The following PIP5K1B variants were observed in gnomAD, a reference collection of about 807,000 sequenced individuals.
PIP5K1B encodes the protein phosphatidylinositol 4-phosphate 5-kinase type-1 beta.
In PIP5K1B, 42 loss-of-function variants were observed where a neutral mutation model predicts 67.0. That is an observed-to-expected ratio of 0.63 (90% CI 0.49 to 0.81). PIP5K1B has a LOEUF of 0.81. Ranked by LOEUF, PIP5K1B falls within the 30% of genes least tolerant of loss-of-function variation. The pLI, the probability that PIP5K1B is intolerant of heterozygous loss-of-function variation, is 0.00. For synonymous variants in PIP5K1B, 214 were observed against 231.4 expected, an observed-to-expected ratio of 0.92 and a Z score of 0.68; for missense variants, 459 against 646.3, an observed-to-expected ratio of 0.71 and a Z score of 3.14.
chr9:68,927,474 A>G (rs902953983), intron 12 of PIP5K1B, among the ~76,000 whole-genome samples: 11 of 152,158 alleles, frequency 7.2e-5, no homozygotes, highest in Non-Finnish European at 1.3e-4. Flanking sequence ...CCTGGTAGGT[A>G]TGAAGTAGTA....
intron 4 of PIP5K1B, among the ~76,000 whole-genome samples, chr9:68,828,365 T>A (rs554128885): frequency 6.6e-6 from 1 of 152,376 alleles, no homozygotes; most frequent in East Asian, 1.9e-4. Context: ...TGGTTTTCAC[T>A]GTGACGGGCA....
At chr9:68,754,402 C>G (rs545530639) in intron 2 of PIP5K1B, among the ~76,000 whole-genome samples, 1 of 152,038 alleles carries the variant, frequency 6.6e-6, no homozygotes, top group South Asian at 2.1e-4. Flanking sequence ...ATCTCCCGAC[C>G]TCGTGATTCA....
chr9:68,820,412 A>G (rs1279523721), intron 3 of PIP5K1B, among the ~76,000 whole-genome samples: 1 of 152,226 alleles, frequency 6.6e-6, no homozygotes, highest in African/African-American at 2.4e-5. Flanking sequence ...ATAGATGCAA[A>G]TAGAATTGCA....
chr9:68,775,266 C>A (rs1830860702), intron 2 of PIP5K1B, among the ~76,000 whole-genome samples: 3 of 152,216 alleles, frequency 2.0e-5, no homozygotes, highest in Non-Finnish European at 1.5e-5. Context: ...GCACATATTT[C>A]TTTTTCCTTC....
chr9:68,912,150 G>A (rs538995416), intron 8 of PIP5K1B, among the ~76,000 whole-genome samples: 11 of 152,256 alleles, frequency 7.2e-5, no homozygotes, highest in Non-Finnish European at 1.3e-4. Context: ...CTTCCTGTGG[G>A]ATCTTCCCAC....
chr9:68,894,650 T>G lies in PIP5K1B; in HGVS notation c.771+12T>G, dbSNP rs756969850. On this transcript the variant is annotated intron_variant, in intron 8 of 15. Coordinates refer to ENST00000265382, the MANE Select transcript of PIP5K1B (RefSeq NM_003558.4). Reference sequence around the variant, plus strand: ...AGAGAGACTGCCGGGTAAGGAAGTTTGATTGTTGTGATTTCCTTTGAACTC... The same window carrying G: ...AGAGAGACTGCCGGGTAAGGAAGTTGGATTGTTGTGATTTCCTTTGAACTC... 41 of 1,610,172 alleles carry G rather than the reference T, an allele frequency of 2.5e-5. No individual in the cohort carries two copies. Among genetic ancestry groups the G allele is most frequent in the Non-Finnish European group, 3.3e-5 (39 of 1,177,216 alleles).
At chr9:68,993,663 T>G (rs1358072546) in intron 15 of PIP5K1B, among the ~76,000 whole-genome samples, 1 of 152,232 alleles carries the variant, frequency 6.6e-6, no homozygotes, top group Non-Finnish European at 1.5e-5. Context: ...AAATACATTT[T>G]TGGTCCCATG....
At position 68,979,667 on chromosome 9, in the gene PIP5K1B, T is replaced by G. The variant is rs533976095; in HGVS notation, c.1503-11473T>G. 5.3e-5 allele frequency among the ~76,000 whole-genome samples: 8 copies of G among 152,316 alleles called. No homozygotes were observed. The South Asian group carries it at 1.7e-3, about 32-fold the overall frequency. On this transcript the variant is annotated intron_variant, in intron 14 of 15. Coordinates refer to ENST00000265382, the MANE Select transcript of PIP5K1B (RefSeq NM_003558.4). Reference sequence around the variant, plus strand: ...TTGTGGCTTCTGTCCTCACAATGAATAAACCTGGAAACACACTGTTTGAGT... The same window carrying G: ...TTGTGGCTTCTGTCCTCACAATGAAGAAACCTGGAAACACACTGTTTGAGT...
intron 2 of PIP5K1B, among the ~76,000 whole-genome samples, chr9:68,808,375 C>T (rs1832981447): frequency 6.6e-6 from 1 of 151,838 alleles, no homozygotes; most frequent in Admixed American, 6.6e-5. Flanking sequence ...TCATGACTAT[C>T]TAACTAATTA....
chr9:68,828,830 G>A (rs1002141265), intron 4 of PIP5K1B, among the ~76,000 whole-genome samples: 10 of 152,152 alleles, frequency 6.6e-5, no homozygotes, highest in African/African-American at 1.7e-4. Context: ...GGCTGGGCAC[G>A]GTGGATTATG....
intron 8 of PIP5K1B, among the ~76,000 whole-genome samples, chr9:68,907,841 A>G (rs928465396): frequency 1.3e-5 from 2 of 152,234 alleles, no homozygotes; most frequent in African/African-American, 4.8e-5. Flanking sequence ...TTTTCTAAGA[A>G]GCTTAGAGTT....
intron 13 of PIP5K1B, 70 bp from the exon 14 acceptor site, chr9:68,940,576 A>G (rs10746973): frequency 0.84 from 1,176,744 of 1,407,658 alleles, 495,168 homozygotes; most frequent in Admixed American, 0.9. Context: ...GACTCATTTC[A>G]ATTATTATAG....
At chr9:68,987,739 G>A (rs1023625576) in intron 14 of PIP5K1B, among the ~76,000 whole-genome samples, 24 of 152,062 alleles carry the variant, frequency 1.6e-4, no homozygotes, top group African/African-American at 4.3e-4. Flanking sequence ...AAGGCTAAAG[G>A]CACTTCTTAC....
intron 14 of PIP5K1B, among the ~76,000 whole-genome samples, chr9:68,989,423 A>AGCCCTG (rs1277510501): frequency 1.3e-5 from 2 of 152,130 alleles, no homozygotes; most frequent in Non-Finnish European, 2.9e-5. Context: ...CACCTTCCCC[A>AGCCCTG]GCCCTGCCCT....
intron 1 of PIP5K1B, among the ~76,000 whole-genome samples, chr9:68,734,300 A>G (rs1210173091): frequency 6.6e-6 from 1 of 152,234 alleles, no homozygotes; most frequent in Non-Finnish European, 1.5e-5. Context: ...GTGAGACACA[A>G]CCAACTGCCT....
At chr9:68,937,304 T>G (rs766439662) in intron 13 of PIP5K1B, among the ~76,000 whole-genome samples, 22 of 152,242 alleles carry the variant, frequency 1.4e-4, no homozygotes, top group Non-Finnish European at 2.9e-4. Flanking sequence ...TGTTGGTTTA[T>G]TCAGGGATTC....
At chr9:68,875,147 T>C (rs1239068602) in intron 5 of PIP5K1B, among the ~76,000 whole-genome samples, 4 of 151,904 alleles carry the variant, frequency 2.6e-5, no homozygotes, top group Admixed American at 1.3e-4. Flanking sequence ...GTGACTGCTC[T>C]TCTCTCAGGC....
In PIP5K1B at chr9:68,989,790, G is replaced by A. The variant is rs766677731; in HGVS notation, c.1503-1350G>A. Among the ~76,000 whole-genome samples the A allele has an allele frequency of 2.0e-5, 3 of 152,032 alleles. No homozygotes were observed. The South Asian group carries it at 6.2e-4, about 32-fold the overall frequency. On this transcript the variant is annotated intron_variant, in intron 14 of 15. Transcript: ENST00000265382. ...AGGTCAGGAGTTCAAGACCAGCCTG[G>A]CCAACATGGTGAAACCCCGTCTCTA...
chr9:68,732,218 T>C (rs1828472465), intron 1 of PIP5K1B, among the ~76,000 whole-genome samples: 1 of 152,230 alleles, frequency 6.6e-6, no homozygotes, highest in South Asian at 2.1e-4. Flanking sequence ...TTTGCAGGTG[T>C]GTCTTATCTT....
Sources: gnomAD v4.1 joint callset for allele counts (sites outside exome capture counted in the v4.1 genomes callset) on GRCh38, gnomAD v4.1.1 for gene constraint, MANE v1.5 for transcripts, NCBI Gene and HGNC (gene_info 2026-07-23, HGNC 2026-07-21) for gene names.